The following CD300LG variants were observed in gnomAD, a reference collection of about 807,000 sequenced individuals.
The protein encoded by CD300LG is CMRF35-like molecule 9.
In CD300LG, 29 loss-of-function variants were observed where a neutral mutation model predicts 31.5. That is an observed-to-expected ratio of 0.92 (90% CI 0.68 to 1.25). The LOEUF is 1.25. Ranked by LOEUF, CD300LG falls within the 50% of genes most tolerant of loss-of-function variation. The probability of loss-of-function intolerance (pLI) is 0.00; values close to 1 mark genes in which losing one functional copy is unlikely to be tolerated. For synonymous variants in CD300LG, 175 were observed against 177.2 expected, an observed-to-expected ratio of 0.99 and a Z score of 0.10; for missense variants, 396 against 417.6, an observed-to-expected ratio of 0.95 and a Z score of 0.45.
chr17:43,856,253 A>C (rs1395499435), intron 5 of CD300LG, among the ~76,000 whole-genome samples: 1 of 152,242 alleles, frequency 6.6e-6, no homozygotes, highest in African/African-American at 2.4e-5. Context: ...CCAGTCTAAC[A>C]TGAAGTAGTC....
intron 6 of CD300LG, chr17:43,857,919 T>G: frequency 1.4e-5 from 21 of 1,535,434 alleles, no homozygotes; most frequent in Non-Finnish European, 1.7e-5. Context: ...GTGCCCATTG[T>G]CTGGAGCTGG....
chr17:43,847,952 A>G (rs1036639321), intron 1 of CD300LG, among the ~76,000 whole-genome samples: 2 of 152,128 alleles, frequency 1.3e-5, no homozygotes, highest in Non-Finnish European at 2.9e-5. Context: ...CTGTCTAAAA[A>G]CAAAACAAAA....
In CD300LG at chr17:43,847,253, C is replaced by T; in HGVS notation, c.37C>T (p.Leu13Phe). Reference sequence around the variant, plus strand: ...GGTCCTGCTATGGGGTTGCCTGCTGCTCCCAGGTGAGATGGGGAGAGGGTC... The same window carrying T: ...GGTCCTGCTATGGGGTTGCCTGCTGTTCCCAGGTGAGATGGGGAGAGGGTC... ...LLVLLWGCLL[L>F]PGYEALEGPE... Residue 13 changes from leucine (L) to phenylalanine (F), a missense_variant, in exon 1 of 7, where the codon CTC (leucine) becomes TTC (phenylalanine). By Grantham distance (22) the Leu-to-Phe change is conservative (BLOSUM62 0). Transcript: ENST00000317310. 6.2e-7 allele frequency: 1 copy of T among 1,613,930 alleles called. No homozygotes were observed. The highest frequency in any genetic ancestry group is 8.5e-7 in the Non-Finnish European group (1 of 1,179,914).
At chr17:43,859,731 G>A (rs1038993071) in intron 6 of CD300LG, among the ~76,000 whole-genome samples, 1 of 152,234 alleles carries the variant, frequency 6.6e-6, no homozygotes, top group Non-Finnish European at 1.5e-5. Flanking sequence ...GCAGGGCTAG[G>A]AGGGACAAGG....
chr17:43,861,411 A>T (rs1455130607), intron 6 of CD300LG, among the ~76,000 whole-genome samples: 3 of 152,122 alleles, frequency 2.0e-5, no homozygotes, highest in African/African-American at 7.2e-5. Context: ...TCACAGCCAT[A>T]GGCCTAGCCC....
At chr17:43,857,796 C>G (rs1483551955) in intron 6 of CD300LG, 2 of 1,537,288 alleles carry the variant, frequency 1.3e-6, no homozygotes, top group South Asian at 2.4e-5. Context: ...CCAGAACTCC[C>G]TGATGTTTTC....
chr17:43,859,571 C>T (rs1414202654), intron 6 of CD300LG, among the ~76,000 whole-genome samples: 2 of 152,216 alleles, frequency 1.3e-5, no homozygotes, highest in South Asian at 2.1e-4. Flanking sequence ...GGTGACACTT[C>T]TGCAGCTGCT....
chr17:43,853,037 C>A, intron 3 of CD300LG, 24 bp downstream of exon 3: 1 of 1,585,394 alleles, frequency 6.3e-7, no homozygotes. Flanking sequence ...AATTCCGCCC[C>A]TTCCCTTGCC....
In CD300LG at chr17:43,855,429, T is replaced by G. The variant is rs2046491076; in HGVS notation, c.832+110T>G. On this transcript the variant is annotated intron_variant, in intron 5 of 6. Transcript: ENST00000317310. ...GAAAGACCCTGTGGGTCTCAGCGTG[T>G]CTGTCTGAGATATGAGCATCAGGAG... The G allele has an allele frequency of 6.8e-6, 4 of 591,932 alleles. 1 individual carries two copies. In the South Asian group the frequency reaches 1.0e-4, roughly 15 times the overall value. The allele number at this position is 591,932 out of a possible 1,614,324, so 36.7% of individuals were successfully genotyped here.
chr17:43,850,548 A>ACAACCTCT, intron 2 of CD300LG, among the ~76,000 whole-genome samples: 1 of 152,004 alleles, frequency 6.6e-6, no homozygotes. Context: ...TTGGCTCATT[A>ACAACCTCT]CAACCTCTGC....
At chr17:43,854,286 C>G (rs559188722) in intron 4 of CD300LG, among the ~76,000 whole-genome samples, 3 of 152,364 alleles carry the variant, frequency 2.0e-5, no homozygotes, top group African/African-American at 7.2e-5. Flanking sequence ...GTCCTGACCT[C>G]TCTCCCTGCC....
chr17:43,855,382 T>G, intron 5 of CD300LG, 63 bp downstream of exon 5: 1 of 936,174 alleles, frequency 1.1e-6, no homozygotes, highest in Non-Finnish European at 1.5e-6. Flanking sequence ...CACTGAGACC[T>G]GCAGCTCCCC....
intron 1 of CD300LG, among the ~76,000 whole-genome samples, chr17:43,847,674 C>A (rs1031905168): frequency 4.6e-5 from 7 of 152,182 alleles, no homozygotes; most frequent in Non-Finnish European, 7.3e-5. Context: ...TTCATCAATT[C>A]TTTTGCTTTC....
At chr17:43,859,623 C>T (rs2046612881) in intron 6 of CD300LG, among the ~76,000 whole-genome samples, 1 of 152,176 alleles carries the variant, frequency 6.6e-6, no homozygotes, top group African/African-American at 2.4e-5. Flanking sequence ...AACCAGATTG[C>T]AAAGCTGTAA....
At chr17:43,851,925 A>G (rs765286053) in intron 2 of CD300LG, among the ~76,000 whole-genome samples, 7 of 152,022 alleles carry the variant, frequency 4.6e-5, no homozygotes, top group Non-Finnish European at 7.4e-5. Flanking sequence ...CGCACAGGGG[A>G]CTGTGAGTGC....
rs774236298 is a variant in CD300LG, at chr17:43,853,847, G to A, written c.522G>A (p.Gln174=). Reference sequence around the variant, plus strand: ...ACCCGGCAGCCACCACAGCCAAGCAGGGGAAGACAGGGGCTGAGGCCCCTC... The same window carrying A: ...ACCCGGCAGCCACCACAGCCAAGCAAGGGAAGACAGGGGCTGAGGCCCCTC... ...GLYPAATTAK[Q]GKTGAEAPPL... The change falls in exon 4 of 7, where the codon CAG becomes CAA. Residue 174 remains glutamine, a synonymous_variant. Transcript: ENST00000317310. 9.3e-6 allele frequency: 15 copies of A among 1,613,986 alleles called. No homozygotes were observed. Among genetic ancestry groups the A allele is most frequent in the South Asian group, 6.6e-5 (6 of 91,084 alleles).
chr17:43,848,885 T>C lies in CD300LG; in HGVS notation c.371T>C (p.Val124Ala), dbSNP rs992784546. Reference sequence around the variant, plus strand: ...GAGTCTTTACTGATCTCTCTGTTCGTCTTTCCAGGTAACAGATATCTCTCC... The same window carrying C: ...GAGTCTTTACTGATCTCTCTGTTCGCCTTTCCAGGTAACAGATATCTCTCC... The part of the protein sequence containing the change: ...PDESLLISLF[V>A]FPGPCCPPSP... The change falls in exon 2 of 7, where the codon GTC (valine) becomes GCC (alanine). Residue 124 changes from valine to alanine, a missense_variant. Coordinates refer to ENST00000317310, the MANE Select transcript of CD300LG (RefSeq NM_145273.4). 6 of 1,606,842 alleles carry C rather than the reference T, an allele frequency of 3.7e-6. No individual in the cohort carries two copies. The highest frequency in any genetic ancestry group is 3.3e-5 in the Admixed American group (2 of 59,862).
At chr17:43,857,666 C>A in intron 6 of CD300LG, 1 of 1,226,364 alleles carries the variant, frequency 8.2e-7, no homozygotes, top group Non-Finnish European at 1.2e-6. Flanking sequence ...CTCTAGTGTG[C>A]TTTTACAAAA....
Position 43,861,994 on chromosome 17 carries a change from C to T in CD300LG, c.*83C>T. 1 of 989,324 alleles carries T rather than the reference C, an allele frequency of 1.0e-6. No individual in the cohort carries two copies. The highest frequency in any genetic ancestry group is 2.9e-5 in the East Asian group (1 of 34,168). 61.3% of individuals were successfully genotyped at this position (989,324 alleles called of 1,614,324 possible). Reference sequence around the variant, plus strand: ...ACCGATTCCCGAAAGCTTTCCACCTCAGCCTCAGAGTCCAGCTGCCCGGAC... The same window carrying T: ...ACCGATTCCCGAAAGCTTTCCACCTTAGCCTCAGAGTCCAGCTGCCCGGAC... On this transcript the variant is annotated 3_prime_UTR_variant, in exon 7 of 7. Transcript: ENST00000317310.
Sources: allele counts gnomAD v4.1 joint callset (sites outside exome capture counted in the v4.1 genomes callset), GRCh38; gene constraint gnomAD v4.1.1; transcripts MANE v1.5; gene names NCBI Gene and HGNC (gene_info 2026-07-23, HGNC 2026-07-21).